Variants in SLC16A10 observed in about 807,000 individuals in gnomAD.
SLC16A10 encodes the protein solute carrier family 16 member 10.
A neutral mutation model predicts 40.0 loss-of-function variants in SLC16A10; 27 were observed. The observed-to-expected ratio is 0.67, with a 90% CI of 0.50 to 0.93. The LOEUF (loss-of-function observed/expected upper bound fraction) is 0.93. Ranked by LOEUF, SLC16A10 falls within the 40% of genes least tolerant of loss-of-function variation. The pLI, the probability that SLC16A10 is intolerant of heterozygous loss-of-function variation, is 0.00. For missense variants in SLC16A10, 529 were observed against 658.2 expected (o/e 0.80, Z 2.15); for synonymous variants, 213 against 249.8 (o/e 0.85, Z 1.39).
rs774873899 is a variant in SLC16A10 at position 111,227,244 on chromosome 6, A to G, written c.*5009A>G. On this transcript the variant is annotated 3_prime_UTR_variant, in exon 6 of 6. Coordinates refer to ENST00000368851, the MANE Select transcript of SLC16A10 (RefSeq NM_018593.5). ...AATGGTTCTGGAGCAAATAATAACAAGGTAGACAAGCAGGCCCTGGGCTCA... is the reference window on the plus strand; with the variant it reads ...AATGGTTCTGGAGCAAATAATAACAGGGTAGACAAGCAGGCCCTGGGCTCA... 2.6e-5 allele frequency: 4 copies of G among 152,256 alleles called. No homozygotes were observed. Among genetic ancestry groups the G allele is most frequent in the Non-Finnish European group, 5.9e-5 (4 of 68,044 alleles). The allele number at this position is 152,256 out of a possible 1,614,324, so 9.4% of individuals were successfully genotyped here.
rs536369026 is a variant in SLC16A10, at chr6:111,218,912, C to T, written c.1185C>T (p.Phe395=). 2.5e-6 allele frequency: 4 copies of T among 1,614,056 alleles called. No homozygotes were observed. Among genetic ancestry groups the T allele is most frequent in the East Asian group, 2.2e-5 (1 of 44,864 alleles). The part of the protein sequence containing the change: ...LIAVCLIMGL[F]DGCFISIMAP... ...CTGTGTGCCTCATCATGGGTCTCTTCGATGGATGCTTCATTTCCATTATGG... is the reference window on the plus strand; with the variant it reads ...CTGTGTGCCTCATCATGGGTCTCTTTGATGGATGCTTCATTTCCATTATGG... Residue 395 remains phenylalanine (F), a synonymous_variant, in exon 5 of 6, where the codon TTC becomes TTT. Coordinates refer to ENST00000368851, the MANE Select transcript of SLC16A10 (RefSeq NM_018593.5).
At chr6:111,106,196 A>G (rs1359044759) in intron 1 of SLC16A10, among the ~76,000 whole-genome samples, 2 of 152,230 alleles carry the variant, frequency 1.3e-5, no homozygotes, top group Non-Finnish European at 2.9e-5. Flanking sequence ...GAATTCATGC[A>G]ATCTTTTAAA....
chr6:111,137,038 A>G (rs1421316380), intron 1 of SLC16A10, among the ~76,000 whole-genome samples: 1 of 152,230 alleles, frequency 6.6e-6, no homozygotes, highest in Non-Finnish European at 1.5e-5. Flanking sequence ...TGGCAGTCTT[A>G]CACTGCTGTA....
intron 1 of SLC16A10, among the ~76,000 whole-genome samples, chr6:111,131,382 C>T (rs1454376064): frequency 6.6e-6 from 1 of 152,158 alleles, no homozygotes; most frequent in East Asian, 1.9e-4. Flanking sequence ...TCTGTGAGGC[C>T]AAGAACCCCA....
rs187759088 is a variant in SLC16A10, at chr6:111,211,549, T to A, written c.1086+4814T>A. ...ATCGTTTGTGGCACCCAGTAGCACA[T>A]GCTGAGTCACAGGTGTGACAGCTGC... is the stretch of plus-strand genomic sequence containing the variant. On this transcript the variant is annotated intron_variant, in intron 4 of 5. Coordinates refer to ENST00000368851, the MANE Select transcript of SLC16A10 (RefSeq NM_018593.5). Among the ~76,000 whole-genome samples the A allele has an allele frequency of 2.3e-3, 344 of 152,360 alleles. 1 individual carries two copies. The highest frequency in any genetic ancestry group is 7.9e-3 in the African/African-American group (327 of 41,576).
intron 1 of SLC16A10, among the ~76,000 whole-genome samples, chr6:111,169,303 A>G (rs1157263101): frequency 1.3e-5 from 2 of 152,246 alleles, no homozygotes; most frequent in African/African-American, 2.4e-5. Context: ...AGTCTTTTGA[A>G]TGACAGCCAA....
At chr6:111,138,023 T>TGGGAGGGTA (rs1771913394) in intron 1 of SLC16A10, among the ~76,000 whole-genome samples, 1 of 152,218 alleles carries the variant, frequency 6.6e-6, no homozygotes, top group Non-Finnish European at 1.5e-5. Context: ...TTGGGTACCC[T>TGGGAGGGTA]CCCTTTGTAT....
intron 1 of SLC16A10, among the ~76,000 whole-genome samples, chr6:111,165,187 T>G (rs1048711123): frequency 6.6e-6 from 1 of 152,190 alleles, no homozygotes; most frequent in African/African-American, 2.4e-5. Context: ...TAAATAGTTA[T>G]AGCTGGAAGA....
intron 4 of SLC16A10, among the ~76,000 whole-genome samples, chr6:111,217,639 A>G (rs377433465): frequency 4.1e-4 from 63 of 152,082 alleles, no homozygotes; most frequent in African/African-American, 1.4e-3. Flanking sequence ...TTTAGTAAAG[A>G]CGGGGTTTCA....
chr6:111,119,470 T>C (rs1771545949), intron 1 of SLC16A10, among the ~76,000 whole-genome samples: 1 of 152,258 alleles, frequency 6.6e-6, no homozygotes, highest in Non-Finnish European at 1.5e-5. Flanking sequence ...TTTTGATTTT[T>C]TCCAACCATT....
chr6:111,151,824 C>T (rs777210384), intron 1 of SLC16A10, among the ~76,000 whole-genome samples: 10 of 152,306 alleles, frequency 6.6e-5, no homozygotes, highest in South Asian at 6.2e-4. Flanking sequence ...GCCTGATGAA[C>T]GCCTATTCAT....
At chr6:111,145,031 C>T (rs1414378630) in intron 1 of SLC16A10, among the ~76,000 whole-genome samples, 1 of 148,652 alleles carries the variant, frequency 6.7e-6, no homozygotes, top group Admixed American at 6.7e-5. Context: ...TAGGGTCTTG[C>T]CATGTTGCCC....
chr6:111,223,648 T>G lies in SLC16A10; in HGVS notation c.*1413T>G, dbSNP rs1433132545. 6.6e-6 allele frequency: 1 copy of G among 152,170 alleles called. No homozygotes were observed. Among genetic ancestry groups the G allele is most frequent in the African/African-American group, 2.4e-5 (1 of 41,436 alleles). 9.4% of individuals were successfully genotyped at this position (152,170 alleles called of 1,614,324 possible). A position where few individuals can be genotyped will look rare whatever the true frequency, so the allele number is the denominator to read the frequency against. ...GATGGTTCTTTTGCAGGAAAAAAAA[T>G]CTACATTTTGACCATACTACCCTTT... On this transcript the variant is annotated 3_prime_UTR_variant, in exon 6 of 6. Transcript: ENST00000368851.
At chr6:111,149,305 T>G (rs1772131422) in intron 1 of SLC16A10, among the ~76,000 whole-genome samples, 1 of 152,198 alleles carries the variant, frequency 6.6e-6, no homozygotes, top group Non-Finnish European at 1.5e-5. Context: ...GACCTACAGA[T>G]CCAATCTATT....
rs777887577 is a variant in SLC16A10, at chr6:111,225,254, G to GTAT, written c.*3022_*3024dup. ...TTCCACTGAAAATTGCATAGTTCTT[G>GTAT]TATTAAGATTCAAATTCTGGCTGGG... is the stretch of plus-strand genomic sequence containing the variant. On this transcript the variant is annotated 3_prime_UTR_variant, in exon 6 of 6. Coordinates refer to ENST00000368851, the MANE Select transcript of SLC16A10 (RefSeq NM_018593.5). The GTAT allele has an allele frequency of 2.6e-5, 4 of 152,196 alleles. No individual in the cohort carries two copies. The highest frequency in any genetic ancestry group is 2.9e-5 in the Non-Finnish European group (2 of 68,048). The allele number at this position is 152,196 out of a possible 1,614,324, so 9.4% of individuals were successfully genotyped here.
intron 1 of SLC16A10, among the ~76,000 whole-genome samples, chr6:111,110,292 A>T (rs929398155): frequency 6.6e-6 from 1 of 152,112 alleles, no homozygotes; most frequent in Non-Finnish European, 1.5e-5. Flanking sequence ...AAGTCAAGTC[A>T]AAGGGAGAAG....
At chr6:111,115,014 T>C (rs546352055) in intron 1 of SLC16A10, among the ~76,000 whole-genome samples, 1 of 152,220 alleles carries the variant, frequency 6.6e-6, no homozygotes, top group East Asian at 1.9e-4. Context: ...GAAGCCTGTA[T>C]GTAGTGGATT....
At chr6:111,129,066 A>G (rs939572298) in intron 1 of SLC16A10, among the ~76,000 whole-genome samples, 5 of 152,222 alleles carry the variant, frequency 3.3e-5, no homozygotes, top group Admixed American at 6.5e-5. Context: ...ATGCTATAAC[A>G]GGTTTTAAAG....
chr6:111,183,763 T>G (rs1772846125), intron 3 of SLC16A10, among the ~76,000 whole-genome samples: 1 of 152,208 alleles, frequency 6.6e-6, no homozygotes, highest in Non-Finnish European at 1.5e-5. Flanking sequence ...ACTTATGCCT[T>G]TGCTGAAATT....
Sources: allele counts gnomAD v4.1 joint callset (sites outside exome capture counted in the v4.1 genomes callset), GRCh38; gene constraint gnomAD v4.1.1; transcripts MANE v1.5; gene names NCBI Gene and HGNC (gene_info 2026-07-23, HGNC 2026-07-21).